The following RBPJ variants were observed in gnomAD, a reference collection of about 807,000 sequenced individuals.
RBPJ encodes recombination signal binding protein for immunoglobulin kappa J region.
In RBPJ, 9 loss-of-function variants were observed where a neutral mutation model predicts 67.8. The observed-to-expected ratio is 0.13, with a 90% CI of 0.08 to 0.23. The LOEUF is 0.23. RBPJ is among the 10% of genes least tolerant of loss of function. The pLI is 1.00. For synonymous variants in RBPJ, 198 were observed against 203.3 expected, an observed-to-expected ratio of 0.97 and a Z score of 0.22; for missense variants, 305 against 595.6, an observed-to-expected ratio of 0.51 and a Z score of 5.08.
At chr4:26,203,908 G>C (rs967765653) in intron 1 of RBPJ, among the ~76,000 whole-genome samples, 1 of 152,180 alleles carries the variant, frequency 6.6e-6, no homozygotes, top group Non-Finnish European at 1.5e-5. Flanking sequence ...CTGCTGCATG[G>C]TCTCAGCTAT....
At position 26,334,820 on chromosome 4, in the gene RBPJ, A is replaced by G. The variant is rs183669269; in HGVS notation, c.20+13772A>G. Among the ~76,000 whole-genome samples the G allele has an allele frequency of 4.9e-4, 75 of 152,314 alleles. 1 individual carries two copies. The East Asian group carries it at 0.013, about 27-fold the overall frequency. ...GTTATGTCTTTATTCTTGACTAACA[A>G]GCTACTATCTCCACTTCTTGATTAT... On this transcript the variant is annotated intron_variant, in intron 1 of 10. Coordinates refer to ENST00000355476, the MANE Select transcript of RBPJ (RefSeq NM_015874.6).
intron 2 of RBPJ, among the ~76,000 whole-genome samples, chr4:26,395,271 G>A (rs755009214): frequency 1.3e-5 from 2 of 152,038 alleles, no homozygotes; most frequent in African/African-American, 2.4e-5. Context: ...AGCCTGGGCA[G>A]CATAGGGAGA....
chr4:26,189,699 G>A (rs1717408481), intron 1 of RBPJ, among the ~76,000 whole-genome samples: 1 of 152,114 alleles, frequency 6.6e-6, no homozygotes, highest in Admixed American at 6.6e-5. Flanking sequence ...GATAAAAACA[G>A]TATAGATTTG....
At chr4:26,118,226 G>T in the RBPJ span, among the ~76,000 whole-genome samples, 5 of 152,188 alleles carry the variant, frequency 3.3e-5, no homozygotes, top group African/African-American at 4.8e-5. Context: ...TAGAGATTCA[G>T]TCCTGCTCTG....
At chr4:26,237,269 A>ACTTAAGTATAT (rs1464337019) in intron 1 of RBPJ, among the ~76,000 whole-genome samples, 1 of 152,184 alleles carries the variant, frequency 6.6e-6, no homozygotes, top group Non-Finnish European at 1.5e-5. Context: ...GTGTGCTGTC[A>ACTTAAGTATAT]CTTAAGTATA....
At chr4:26,305,766 C>CTTTTTTTTTTT (rs1722212611) in intron 1 of RBPJ, among the ~76,000 whole-genome samples, 1 of 57,662 alleles carries the variant, frequency 1.7e-5, no homozygotes, top group Admixed American at 1.9e-4. Context: ...TTAGAATTTT[C>CTTTTTTTTTTT]TTTTCTTTTT....
chr4:26,178,371 C>T (rs867522559), intron 1 of RBPJ, among the ~76,000 whole-genome samples: 1 of 152,148 alleles, frequency 6.6e-6, no homozygotes, highest in African/African-American at 2.4e-5. Context: ...CATAGTGGCT[C>T]ACACCTGTAA....
chr4:26,274,931 C>T (rs1279417019), intron 1 of RBPJ, among the ~76,000 whole-genome samples: 4 of 150,814 alleles, frequency 2.7e-5, no homozygotes, highest in Admixed American at 6.6e-5. Context: ...AGCGAGACAC[C>T]GTCTCAAAAA....
chr4:26,320,495 C>T (rs1032191664), upstream of RBPJ: 3 of 466,288 alleles, frequency 6.4e-6, no homozygotes, highest in African/African-American at 4.0e-5. Context: ...AAAGGAGGCG[C>T]CCAGGGAACG....
chr4:26,388,369 A>G (rs140446027), intron 2 of RBPJ, among the ~76,000 whole-genome samples: 16 of 152,278 alleles, frequency 1.1e-4, no homozygotes, highest in African/African-American at 2.4e-4. Flanking sequence ...AACTTTAAAG[A>G]GTCAGATGGT....
intron 1 of RBPJ, among the ~76,000 whole-genome samples, chr4:26,194,773 C>T (rs970672329): frequency 4.6e-5 from 7 of 152,312 alleles, no homozygotes; most frequent in East Asian, 3.9e-4. Context: ...TCAGAGCACA[C>T]GATACAAATG....
chr4:26,343,736 C>CTTTT (rs1172127871), intron 1 of RBPJ, among the ~76,000 whole-genome samples: 1 of 74,500 alleles, frequency 1.3e-5, no homozygotes. Context: ...TTCTTTCTTT[C>CTTTT]TTCTTTTTTT....
At chr4:26,300,562 G>C (rs992261263) in intron 1 of RBPJ, among the ~76,000 whole-genome samples, 1 of 152,210 alleles carries the variant, frequency 6.6e-6, no homozygotes, top group Non-Finnish European at 1.5e-5. Context: ...ACTATTCAGA[G>C]GGCGGCTGAC....
intron 2 of RBPJ, among the ~76,000 whole-genome samples, chr4:26,386,817 G>A (rs184291741): frequency 2.7e-3 from 409 of 152,234 alleles, no homozygotes; most frequent in Non-Finnish European, 3.0e-3. Context: ...ATGAGTATAA[G>A]TTGTACAATA....
At chr4:26,229,029 T>A (rs993070838) in intron 1 of RBPJ, among the ~76,000 whole-genome samples, 1 of 152,202 alleles carries the variant, frequency 6.6e-6, no homozygotes, top group Non-Finnish European at 1.5e-5. Flanking sequence ...CTTCTTGGCT[T>A]TGTTTTTCTA....
At chr4:26,298,160 A>AC (rs1553858765) in intron 1 of RBPJ, among the ~76,000 whole-genome samples, 2 of 151,434 alleles carry the variant, frequency 1.3e-5, no homozygotes, top group African/African-American at 4.9e-5. Flanking sequence ...TTTCCCTCAT[A>AC]TTTTTTTTCA....
upstream of RBPJ, among the ~76,000 whole-genome samples, chr4:26,161,560 A>G (rs1398249315): frequency 6.6e-6 from 1 of 152,222 alleles, no homozygotes; most frequent in Non-Finnish European, 1.5e-5. Context: ...ACACTGACCC[A>G]GATCCCAGTC....
chr4:26,389,921 A>T (rs550977847), intron 2 of RBPJ, among the ~76,000 whole-genome samples: 1 of 152,202 alleles, frequency 6.6e-6, no homozygotes, highest in South Asian at 2.1e-4. Flanking sequence ...GGAGAGCAGG[A>T]CATACTTCTC....
chr4:26,291,856 G>A (rs2109288227), intron 1 of RBPJ, among the ~76,000 whole-genome samples: 1 of 151,052 alleles, frequency 6.6e-6, no homozygotes, highest in South Asian at 2.1e-4. Context: ...GATTATAGGT[G>A]TGAGTCACTG....
Sources: allele counts gnomAD v4.1 joint callset (sites outside exome capture counted in the v4.1 genomes callset), GRCh38; gene constraint gnomAD v4.1.1; transcripts MANE v1.5; gene names NCBI Gene and HGNC (gene_info 2026-07-23, HGNC 2026-07-21).